Variants in NSUN6 observed in about 807,000 individuals in gnomAD.
NSUN6 encodes tRNA (cytosine(72)-C(5))-methyltransferase NSUN6.
In NSUN6, 64 loss-of-function variants were observed where a neutral mutation model predicts 58.0. That is an observed-to-expected ratio of 1.10 (90% CI 0.90 to 1.36). The LOEUF (loss-of-function observed/expected upper bound fraction) is 1.36. NSUN6 is among the 40% of genes most tolerant of loss of function. The pLI is 0.00. For synonymous variants in NSUN6, 231 were observed against 193.9 expected, an observed-to-expected ratio of 1.19 and a Z score of -1.59; for missense variants, 701 against 550.1, an observed-to-expected ratio of 1.27 and a Z score of -2.74.
At chr10:18,570,122 TCATTC>T (rs1484534773) in intron 8 of NSUN6, among the ~76,000 whole-genome samples, 4 of 147,892 alleles carry the variant, frequency 2.7e-5, no homozygotes, top group East Asian at 2.1e-4. Context: ...TCTCCATTCT[TCATTC>T]CATTCCATTT....
intron 7 of NSUN6, among the ~76,000 whole-genome samples, 175 bp downstream of exon 7, chr10:18,596,033 T>A (rs1237310786): frequency 2.0e-5 from 3 of 152,244 alleles, no homozygotes; most frequent in Non-Finnish European, 1.5e-5. Context: ...GAGACAGTCT[T>A]CATAAATGAT....
At chr10:18,560,482 T>C (rs571990684) in intron 8 of NSUN6, among the ~76,000 whole-genome samples, 1 of 147,870 alleles carries the variant, frequency 6.8e-6, no homozygotes, top group South Asian at 2.1e-4. Context: ...GAATGGAGAA[T>C]GGAATGGAAT....
At chr10:18,582,400 A>C (rs551224521) in intron 8 of NSUN6, among the ~76,000 whole-genome samples, 2 of 152,114 alleles carry the variant, frequency 1.3e-5, no homozygotes, top group Admixed American at 6.5e-5. Flanking sequence ...GCCTCAGCAC[A>C]CTCTTGAAAA....
At chr10:18,621,267 C>A (rs1229207006) in intron 3 of NSUN6, among the ~76,000 whole-genome samples, 2 of 152,092 alleles carry the variant, frequency 1.3e-5, no homozygotes. Context: ...CTGTGGGAGT[C>A]CTGTGTGACT....
chr10:18,574,963 T>C (rs2056577238), intron 8 of NSUN6, among the ~76,000 whole-genome samples: 1 of 152,130 alleles, frequency 6.6e-6, no homozygotes, highest in Non-Finnish European at 1.5e-5. Context: ...CTGAAATGCA[T>C]ATTTTTCACT....
chr10:18,620,836 C>T (rs947191298), intron 3 of NSUN6, among the ~76,000 whole-genome samples: 2 of 152,204 alleles, frequency 1.3e-5, no homozygotes, highest in Admixed American at 6.5e-5. Flanking sequence ...ATCTTTGTAA[C>T]ACCATCACAT....
At chr10:18,632,057 A>G (rs1292967035) in intron 3 of NSUN6, among the ~76,000 whole-genome samples, 3 of 150,488 alleles carry the variant, frequency 2.0e-5, no homozygotes, top group Non-Finnish European at 4.5e-5. Context: ...CAAAACAGAG[A>G]TATAGATCAA....
In NSUN6 at chr10:18,640,974, C is replaced by T. The variant is rs149245080; in HGVS notation, c.311+1502G>A. ...TTAAAAGGTGGGTATGTTACAGCTT[C>T]CAGATGTTTTTTTACATGTAAATAA... On this transcript the variant is annotated intron_variant, in intron 3 of 10. Coordinates refer to ENST00000377304, the MANE Select transcript of NSUN6 (RefSeq NM_182543.5). 5.5e-3 allele frequency among the ~76,000 whole-genome samples: 829 copies of T among 152,052 alleles called. 12 individuals carry two copies. The highest frequency in any genetic ancestry group is 0.019 in the African/African-American group (779 of 41,476).
At chr10:18,608,563 T>A (rs2058119622) in intron 6 of NSUN6, among the ~76,000 whole-genome samples, 1 of 140,392 alleles carries the variant, frequency 7.1e-6, no homozygotes, top group African/African-American at 2.6e-5. Flanking sequence ...CACCTGAGCC[T>A]GGGAGGTCAA....
intron 8 of NSUN6, among the ~76,000 whole-genome samples, chr10:18,572,670 CTCCATTCTCT>C (rs1280457949): frequency 6.6e-6 from 1 of 150,632 alleles, no homozygotes; most frequent in Non-Finnish European, 1.5e-5. Context: ...CCATTCCATT[CTCCATTCTCT>C]TCCATTCTCC....
chr10:18,553,661 G>A lies in NSUN6; in HGVS notation c.923-1690C>T, dbSNP rs189060161. 3.9e-3 allele frequency among the ~76,000 whole-genome samples: 591 copies of A among 151,830 alleles called. 5 individuals carry two copies. Among genetic ancestry groups the A allele is most frequent in the African/African-American group, 0.013 (540 of 41,454 alleles). Reference sequence around the variant, plus strand: ...GAAGAATGGAATGGAATGGAGAATGGAATGGAATGTAGTGGAAAATGAAAA... The same window carrying A: ...GAAGAATGGAATGGAATGGAGAATGAAATGGAATGTAGTGGAAAATGAAAA... On this transcript the variant is annotated intron_variant, in intron 8 of 10. Transcript: ENST00000377304.
intron 8 of NSUN6, among the ~76,000 whole-genome samples, chr10:18,556,748 G>A (rs1468287936): frequency 6.6e-6 from 1 of 150,878 alleles, no homozygotes; most frequent in Non-Finnish European, 1.5e-5. Flanking sequence ...AATACAGAAG[G>A]ATTTGGTATG....
chr10:18,647,725 GTTTTTTTTTT>G (rs571301351), intron 2 of NSUN6, among the ~76,000 whole-genome samples: 2 of 100,090 alleles, frequency 2.0e-5, no homozygotes, highest in Non-Finnish European at 4.0e-5. Context: ...TCAACACCTT[GTTTTTTTTTT>G]TTTTTTTTTT....
chr10:18,656,246 C>A (rs1328945063), upstream of NSUN6, among the ~76,000 whole-genome samples: 2 of 152,128 alleles, frequency 1.3e-5, no homozygotes, highest in African/African-American at 4.8e-5. Flanking sequence ...TCACAATGGG[C>A]ATTACCTTAA....
intron 2 of NSUN6, among the ~76,000 whole-genome samples, chr10:18,643,425 A>G (rs1480617284): frequency 2.6e-5 from 4 of 152,124 alleles, no homozygotes; most frequent in Non-Finnish European, 2.9e-5. Flanking sequence ...ATAAAAGACC[A>G]ATCACCACAA....
Position 18,545,792 on chromosome 10 carries a change from T to C in NSUN6, c.*141A>G. On this transcript the variant is annotated 3_prime_UTR_variant, in exon 11 of 11. Transcript: ENST00000377304. ...TACTTCCTCTATGTCTCTGGATCCC[T>C]GGTAAAACAGCTGGCAGCCTTTTCT... 1.5e-6 allele frequency: 1 copy of C among 645,568 alleles called. No individual in the cohort carries two copies. Among genetic ancestry groups the C allele is most frequent in the Non-Finnish European group, 2.7e-6 (1 of 371,188 alleles). The allele number at this position is 645,568 out of a possible 1,614,324, so 40.0% of individuals were successfully genotyped here.
chr10:18,623,613 G>C (rs983818314), intron 3 of NSUN6, among the ~76,000 whole-genome samples: 3 of 152,304 alleles, frequency 2.0e-5, no homozygotes, highest in East Asian at 1.9e-4. Flanking sequence ...GGAGACAAGT[G>C]TGAAAGAAGA....
At chr10:18,630,223 C>A (rs534411152) in intron 3 of NSUN6, among the ~76,000 whole-genome samples, 7,134 of 148,146 alleles carry the variant, frequency 0.048, 264 homozygotes, top group Non-Finnish European at 0.077. Flanking sequence ...AAAGACACAA[C>A]ATACCAGAAT....
chr10:18,576,852 T>C (rs1478539831), intron 8 of NSUN6, among the ~76,000 whole-genome samples: 1 of 152,174 alleles, frequency 6.6e-6, no homozygotes, highest in African/African-American at 2.4e-5. Flanking sequence ...TTAGTACAAT[T>C]AGCTATCCCT....
Sources: allele counts gnomAD v4.1 joint callset (sites outside exome capture counted in the v4.1 genomes callset), GRCh38; gene constraint gnomAD v4.1.1; transcripts MANE v1.5; gene names NCBI Gene and HGNC (gene_info 2026-07-23, HGNC 2026-07-21).